The following PKNOX1 variants were observed in gnomAD, a reference collection of about 807,000 sequenced individuals.
PKNOX1 encodes PBX/knotted 1 homeobox 1.
A neutral mutation model predicts 51.9 loss-of-function variants in PKNOX1; 15 were observed. That is an observed-to-expected ratio of 0.29 (90% CI 0.19 to 0.45). The LOEUF (loss-of-function observed/expected upper bound fraction) is 0.45. Among genes scored for constraint, PKNOX1 ranks in the 20% least tolerant of loss-of-function variants. The pLI, the probability that PKNOX1 is intolerant of heterozygous loss-of-function variation, is 1.00. For synonymous variants in PKNOX1, 219 were observed against 211.1 expected (o/e 1.04, Z -0.32); for missense variants, 462 against 547.5 (o/e 0.84, Z 1.56).
rs1470450858 is a variant in PKNOX1, at chr21:43,018,470, CCACCCA to C, written c.720+244_720+249del. The stretch of plus-strand genomic sequence containing the variant: ...AAAAGTCACTCATAACCACCCCCTG[CCACCCA>C]CACACACACACACACACACACACAC... On this transcript the variant is annotated intron_variant, in intron 7 of 10. Coordinates refer to ENST00000291547, the MANE Select transcript of PKNOX1 (RefSeq NM_004571.5). Among the ~76,000 whole-genome samples, 4 of 15,120 alleles carry C rather than the reference CCACCCA, an allele frequency of 2.6e-4. 2 individuals are homozygous for C. Among genetic ancestry groups the C allele is most frequent in the African/African-American group, 1.2e-3 (4 of 3,360 alleles). The allele number at this position is 15,120 out of a possible 152,430, so 9.9% of individuals were successfully genotyped here.
rs1980196910 is a variant in PKNOX1 at position 43,030,243 on chromosome 21, T to C, written c.*142T>C. On this transcript the variant is annotated 3_prime_UTR_variant, in exon 11 of 11. Transcript: ENST00000291547. The stretch of plus-strand genomic sequence containing the variant: ...TAAGCTTAAAGCGCGTCTTTGCCGG[T>C]GCAGCGACTTCTTTCAAGTGTGTGT... 1 of 639,092 alleles carries C rather than the reference T, an allele frequency of 1.6e-6. No homozygotes were observed. 39.6% of individuals were successfully genotyped at this position (639,092 alleles called of 1,614,324 possible).
chr21:43,025,067 A>G, intron 9 of PKNOX1, 120 bp downstream of exon 9: 1 of 676,120 alleles, frequency 1.5e-6, no homozygotes, highest in South Asian at 1.8e-5. Flanking sequence ...CTTTTTTCCC[A>G]ACTGAGACGG....
chr21:43,003,174 C>T (rs1277978576), intron 1 of PKNOX1, among the ~76,000 whole-genome samples: 3 of 152,206 alleles, frequency 2.0e-5, no homozygotes, highest in African/African-American at 7.2e-5. Context: ...GGCACAACTG[C>T]CCTTGACCTC....
chr21:43,029,924 G>A lies in PKNOX1; in HGVS notation c.1134G>A (p.Met378Ile). The A allele has an allele frequency of 1.2e-6, 2 of 1,614,162 alleles. No homozygotes were observed. The highest frequency in any genetic ancestry group is 1.3e-5 in the African/African-American group (1 of 75,070). ...AVVTITTPVN[M>I]NVDSLQSLSS... ...TCACCATCACCACGCCCGTGAACAT[G>A]AACGTGGACAGCCTTCAGTCTCTGT... The change falls in exon 11 of 11, where the codon ATG (methionine) becomes ATA (isoleucine). Residue 378 changes from methionine (M) to isoleucine (I), a missense_variant. Coordinates refer to ENST00000291547, the MANE Select transcript of PKNOX1 (RefSeq NM_004571.5).
chr21:42,988,115 CT>C (rs2059065322), intron 1 of PKNOX1, among the ~76,000 whole-genome samples: 1 of 151,444 alleles, frequency 6.6e-6, no homozygotes, highest in African/African-American at 2.4e-5. Context: ...GTGCAATGGC[CT>C]ACTCTCAGCT....
intron 3 of PKNOX1, 28 bp downstream of exon 3, chr21:43,007,646 G>T: frequency 6.2e-7 from 1 of 1,613,644 alleles, no homozygotes; most frequent in Non-Finnish European, 8.5e-7. Context: ...GGCTGTGGGG[G>T]CCTCAGAGGA....
At chr21:42,987,618 C>CTT (rs34065433) in intron 1 of PKNOX1, among the ~76,000 whole-genome samples, 2 of 113,156 alleles carry the variant, frequency 1.8e-5, no homozygotes, top group Non-Finnish European at 1.8e-5. Flanking sequence ...ATGGTTTCTA[C>CTT]TTTTTTTTTT....
chr21:43,018,544 T>C (rs1168139053), intron 7 of PKNOX1, among the ~76,000 whole-genome samples: 2 of 123,516 alleles, frequency 1.6e-5, no homozygotes, highest in Admixed American at 1.0e-4. Flanking sequence ...AGTGCTAACG[T>C]TGGATCATGT....
At chr21:43,018,318 C>T (rs1450945966) in intron 7 of PKNOX1, 88 bp downstream of exon 7, 2 of 788,808 alleles carry the variant, frequency 2.5e-6, no homozygotes, top group Admixed American at 2.0e-5. Context: ...CTTCCCTCTG[C>T]CTGAAGAGCT....
At chr21:42,988,229 T>G (rs1236744583) in intron 1 of PKNOX1, among the ~76,000 whole-genome samples, 2 of 151,872 alleles carry the variant, frequency 1.3e-5, no homozygotes, top group Non-Finnish European at 2.9e-5. Context: ...TTTTGTATTT[T>G]TAGTAGAGAT....
chr21:43,032,336 T>TTCGTCCCTCACCACCCTCCGTCTCC lies in PKNOX1; in HGVS notation c.*2238_*2239insTCCCTCACCACCCTCCGTCTCCTCG. 2.5e-6 allele frequency: 1 copy of TTCGTCCCTCACCACCCTCCGTCTCC among 397,522 alleles called. No individual in the cohort carries two copies. Among genetic ancestry groups the TTCGTCCCTCACCACCCTCCGTCTCC allele is most frequent in the Non-Finnish European group, 5.1e-6 (1 of 195,412 alleles). 24.6% of individuals were successfully genotyped at this position (397,522 alleles called of 1,614,324 possible). A position where few individuals can be genotyped will look rare whatever the true frequency, so the allele number is the denominator to read the frequency against. On this transcript the variant is annotated 3_prime_UTR_variant, in exon 11 of 11. Transcript: ENST00000291547. ...TCCTTCCCTCACCACCCTCCGTCTCTTCGGCTGCTTGCTCTTTAGTGTAGA... is the reference window on the plus strand; with the variant it reads ...TCCTTCCCTCACCACCCTCCGTCTCTTCGTCCCTCACCACCCTCCGTCTCCTCGGCTGCTTGCTCTTTAGTGTAGA...
intron 1 of PKNOX1, among the ~76,000 whole-genome samples, chr21:42,980,701 T>C (rs1424335328): frequency 6.6e-6 from 1 of 152,216 alleles, no homozygotes; most frequent in African/African-American, 2.4e-5. Flanking sequence ...GATAGTCCCA[T>C]TTATTAGCTT....
intron 8 of PKNOX1, chr21:43,024,630 C>A: frequency 2.1e-6 from 1 of 476,240 alleles, no homozygotes; most frequent in Non-Finnish European, 3.8e-6. Flanking sequence ...CACCGCTGAA[C>A]CGTTAAACGT....
At chr21:42,987,404 A>AAAAAATATATATATATATATATATATAT in intron 1 of PKNOX1, among the ~76,000 whole-genome samples, 5 of 41,408 alleles carry the variant, frequency 1.2e-4, no homozygotes, top group Non-Finnish European at 1.9e-4. Context: ...AAAAAAAAAA[A>AAAAAATATATATATATATATATATATAT]ATATATATAT....
chr21:43,014,275 C>T (rs1319898231), intron 5 of PKNOX1, among the ~76,000 whole-genome samples: 1 of 152,152 alleles, frequency 6.6e-6, no homozygotes, highest in Non-Finnish European at 1.5e-5. Flanking sequence ...CCCGCCTTGG[C>T]CTCCCAAAGT....
intron 1 of PKNOX1, among the ~76,000 whole-genome samples, chr21:42,983,884 T>A (rs2059038621): frequency 6.6e-6 from 1 of 152,230 alleles, no homozygotes; most frequent in Non-Finnish European, 1.5e-5. Context: ...TGTTGCTTTT[T>A]TTAATAGCAG....
chr21:42,975,258 C>T (rs1337930335), intron 1 of PKNOX1, among the ~76,000 whole-genome samples: 6 of 149,420 alleles, frequency 4.0e-5, no homozygotes, highest in African/African-American at 9.8e-5. Flanking sequence ...CGGCCCCGGC[C>T]TCGGCCGTGG....
At position 43,014,273 on chromosome 21, in the gene PKNOX1, G is replaced by A. The variant is rs553359587; in HGVS notation, c.522+1035G>A. Among the ~76,000 whole-genome samples, 24 of 152,096 alleles carry A rather than the reference G, an allele frequency of 1.6e-4. 1 individual carries two copies. In the East Asian group the frequency reaches 3.3e-3, roughly 21 times the overall value. Reference sequence around the variant, plus strand: ...CCTGACCTCGTGATCCGCCCGCCTTGGCCTCCCAAAGTGCTGGGATTACAA... The same window carrying A: ...CCTGACCTCGTGATCCGCCCGCCTTAGCCTCCCAAAGTGCTGGGATTACAA... On this transcript the variant is annotated intron_variant, in intron 5 of 10. Coordinates refer to ENST00000291547, the MANE Select transcript of PKNOX1 (RefSeq NM_004571.5).
chr21:43,008,412 C>A (rs1330668025), intron 3 of PKNOX1, among the ~76,000 whole-genome samples: 2 of 152,202 alleles, frequency 1.3e-5, no homozygotes, highest in African/African-American at 4.8e-5. Flanking sequence ...CAAATCAATT[C>A]TAGCAATATG....
Sources: gnomAD v4.1 joint callset for allele counts (sites outside exome capture counted in the v4.1 genomes callset) on GRCh38, gnomAD v4.1.1 for gene constraint, MANE v1.5 for transcripts, NCBI Gene and HGNC (gene_info 2026-07-23, HGNC 2026-07-21) for gene names.